The following BORCS5 variants were observed in gnomAD, a reference collection of about 807,000 sequenced individuals.
The protein encoded by BORCS5 is BLOC-1-related complex subunit 5.
In BORCS5, 17 loss-of-function variants were observed where a neutral mutation model predicts 22.1. The ratio of observed to expected loss-of-function variants is 0.77; its 90% CI spans 0.53 to 1.15. The LOEUF is 1.15. Among genes scored for constraint, BORCS5 ranks in the 50% most tolerant of loss-of-function variants. BORCS5 has a pLI of 0.00. For missense variants in BORCS5, 247 were observed against 253.2 expected (o/e 0.98, Z 0.17); for synonymous variants, 117 against 99.8 (o/e 1.17, Z -1.03).
rs80212546 is a variant in BORCS5, at chr12:12,438,539, T to G, written c.360+2754T>G. Among the ~76,000 whole-genome samples the G allele has an allele frequency of 2.2e-4, 34 of 152,232 alleles. No individual in the cohort carries two copies. In the East Asian group the frequency reaches 6.6e-3, roughly 29 times the overall value. On this transcript the variant is annotated intron_variant, in intron 3 of 3. Transcript: ENST00000314565. Reference sequence around the variant, plus strand: ...CAGAGCTTCTCATTATAGCACATTTTCAAGACTTCAGAGCAGTGTTTGTCA... The same window carrying G: ...CAGAGCTTCTCATTATAGCACATTTGCAAGACTTCAGAGCAGTGTTTGTCA...
intron 2 of BORCS5, among the ~76,000 whole-genome samples, chr12:12,417,381 A>G (rs1941996125): frequency 6.6e-6 from 1 of 152,190 alleles, no homozygotes; most frequent in South Asian, 2.1e-4. Flanking sequence ...GTGACCTAAC[A>G]TATGGCCTAT....
intron 2 of BORCS5, among the ~76,000 whole-genome samples, chr12:12,426,541 G>T (rs993591598): frequency 2.0e-5 from 3 of 152,172 alleles, no homozygotes; most frequent in African/African-American, 7.2e-5. Flanking sequence ...ATAAATTAGG[G>T]CCACTGGCCA....
intron 3 of BORCS5, among the ~76,000 whole-genome samples, chr12:12,449,779 G>T (rs369824596): frequency 3.9e-5 from 6 of 152,214 alleles, no homozygotes; most frequent in African/African-American, 1.4e-4. Context: ...ATTGGCGACA[G>T]TCGGCCTCAT....
At chr12:12,366,483 A>T (rs1186933739) in intron 2 of BORCS5, among the ~76,000 whole-genome samples, 1 of 152,126 alleles carries the variant, frequency 6.6e-6, no homozygotes, top group Non-Finnish European at 1.5e-5. Flanking sequence ...TATCAAAGGG[A>T]TTTCTGTTTT....
intron 2 of BORCS5, among the ~76,000 whole-genome samples, chr12:12,412,426 T>G (rs1452236929): frequency 1.3e-5 from 2 of 152,218 alleles, no homozygotes; most frequent in Non-Finnish European, 2.9e-5. Flanking sequence ...GGATTGTTCA[T>G]TAGTGAATAG....
chr12:12,423,203 C>T (rs541521823), intron 2 of BORCS5, among the ~76,000 whole-genome samples: 194 of 152,028 alleles, frequency 1.3e-3, no homozygotes, highest in Non-Finnish European at 2.1e-3. Context: ...GGGGTCCCAC[C>T]GTGTTAGCCA....
chr12:12,397,902 C>T (rs148231663), intron 2 of BORCS5, among the ~76,000 whole-genome samples: 4 of 152,316 alleles, frequency 2.6e-5, no homozygotes, highest in African/African-American at 9.6e-5. Flanking sequence ...TTGGGGCTTA[C>T]ATTTTCCTTA....
Position 12,435,727 on chromosome 12 carries a change from A to G in BORCS5, c.302A>G (p.His101Arg). The change falls in exon 3 of 4, where the codon CAT becomes CGT. Residue 101 changes from histidine to arginine, a missense_variant. Physicochemically the swap from His to Arg is conservative, Grantham distance 29. Coordinates refer to ENST00000314565, the MANE Select transcript of BORCS5 (RefSeq NM_058169.6). ...TGCCTCCGATATCAAGATCACCTGCATCAGTGTGCAGAGGCCGTTGCTTTT... is the reference window on the plus strand; with the variant it reads ...TGCCTCCGATATCAAGATCACCTGCGTCAGTGTGCAGAGGCCGTTGCTTTT... Reference protein sequence around the residue: ...QLCLRYQDHLHQCAEAVAFDQ... With the variant: ...QLCLRYQDHLRQCAEAVAFDQ... The G allele has an allele frequency of 6.2e-7, 1 of 1,614,124 alleles. No homozygotes were observed. Among genetic ancestry groups the G allele is most frequent in the Non-Finnish European group, 8.5e-7 (1 of 1,179,962 alleles).
chr12:12,394,806 T>C (rs1198357112), intron 2 of BORCS5, among the ~76,000 whole-genome samples: 2 of 152,120 alleles, frequency 1.3e-5, no homozygotes, highest in Admixed American at 1.3e-4. Flanking sequence ...GTTTCCCATG[T>C]GCCAAGTGCT....
chr12:12,444,501 C>T (rs1444244915), intron 3 of BORCS5, among the ~76,000 whole-genome samples: 1 of 152,158 alleles, frequency 6.6e-6, no homozygotes, highest in Admixed American at 6.5e-5. Flanking sequence ...TGAGTGTTGC[C>T]TATGACTTCG....
intron 2 of BORCS5, among the ~76,000 whole-genome samples, chr12:12,430,904 C>T (rs186560720): frequency 7.8e-4 from 119 of 152,082 alleles, no homozygotes; most frequent in African/African-American, 2.8e-3. Flanking sequence ...ACATAGAGAG[C>T]GCCCTCATTC....
At chr12:12,425,298 A>G (rs1213713781) in intron 2 of BORCS5, among the ~76,000 whole-genome samples, 2 of 152,194 alleles carry the variant, frequency 1.3e-5, no homozygotes, top group Non-Finnish European at 1.5e-5. Flanking sequence ...TAGAGCTACA[A>G]AATAGTTACA....
intron 2 of BORCS5, among the ~76,000 whole-genome samples, chr12:12,393,288 C>G (rs1032858024): frequency 1.3e-5 from 2 of 151,942 alleles, no homozygotes; most frequent in South Asian, 4.1e-4. Context: ...TCACTCAACT[C>G]AGGATGTACC....
chr12:12,433,694 G>A (rs1010442017), intron 2 of BORCS5, among the ~76,000 whole-genome samples: 1 of 152,162 alleles, frequency 6.6e-6, no homozygotes, highest in African/African-American at 2.4e-5. Context: ...ATACTGCCTG[G>A]AAGCAGGTTC....
chr12:12,408,991 T>A (rs1941653420), intron 2 of BORCS5, among the ~76,000 whole-genome samples: 1 of 152,270 alleles, frequency 6.6e-6, no homozygotes, highest in South Asian at 2.1e-4. Flanking sequence ...AATTTTACAT[T>A]TAATTTTTTG....
chr12:12,394,328 A>G (rs564070459), intron 2 of BORCS5, among the ~76,000 whole-genome samples: 7 of 152,086 alleles, frequency 4.6e-5, no homozygotes, highest in African/African-American at 1.7e-4. Flanking sequence ...TCTATCTCAA[A>G]AAACAAACAA....
At chr12:12,389,287 A>G (rs1863950307) in intron 2 of BORCS5, among the ~76,000 whole-genome samples, 1 of 149,634 alleles carries the variant, frequency 6.7e-6, no homozygotes, top group African/African-American at 2.5e-5. Context: ...ACAGGCGCCC[A>G]CCACCACGCC....
chr12:12,427,109 C>G (rs551124913), intron 2 of BORCS5, among the ~76,000 whole-genome samples: 1 of 151,552 alleles, frequency 6.6e-6, no homozygotes, highest in East Asian at 1.9e-4. Flanking sequence ...GAATCAATCA[C>G]TAACGCACAT....
At chr12:12,408,657 G>C (rs1162919751) in intron 2 of BORCS5, among the ~76,000 whole-genome samples, 1 of 152,130 alleles carries the variant, frequency 6.6e-6, no homozygotes, top group Admixed American at 6.5e-5. Context: ...TTCAGTGTTT[G>C]CTTGTGACTG....
Sources: gnomAD v4.1 joint callset for allele counts (sites outside exome capture counted in the v4.1 genomes callset) on GRCh38, gnomAD v4.1.1 for gene constraint, MANE v1.5 for transcripts, NCBI Gene and HGNC (gene_info 2026-07-23, HGNC 2026-07-21) for gene names.